Variants in NTRK2 observed in about 807,000 individuals in gnomAD.
NTRK2 encodes the protein BDNF/NT-3 growth factors receptor.
A neutral mutation model predicts 94.5 loss-of-function variants in NTRK2; 13 were observed. The observed-to-expected ratio is 0.14, with a 90% CI of 0.09 to 0.22. The LOEUF (loss-of-function observed/expected upper bound fraction) is 0.22, where lower values mean the gene tolerates loss of function less well. Ranked by LOEUF, NTRK2 falls within the 10% of genes least tolerant of loss-of-function variation. NTRK2 has a pLI of 1.00. For synonymous variants in NTRK2, 372 were observed against 407.4 expected (o/e 0.91, Z 1.05); for missense variants, 639 against 1,071.2 (o/e 0.60, Z 5.63).
chr9:84,781,826 A>C (rs1044853375), intron 12 of NTRK2, among the ~76,000 whole-genome samples: 2 of 152,172 alleles, frequency 1.3e-5, no homozygotes, highest in African/African-American at 4.8e-5. Context: ...AACATTCAAC[A>C]AGGAACTAAC....
chr9:84,806,417 C>T (rs949931434), intron 12 of NTRK2, among the ~76,000 whole-genome samples: 1 of 152,090 alleles, frequency 6.6e-6, no homozygotes, highest in Non-Finnish European at 1.5e-5. Flanking sequence ...CCTTGGGAAG[C>T]AAAAGGGGTG....
intron 12 of NTRK2, among the ~76,000 whole-genome samples, chr9:84,841,081 T>A (rs1189991996): frequency 6.6e-6 from 1 of 152,162 alleles, no homozygotes; most frequent in African/African-American, 2.4e-5. Flanking sequence ...CTGCTCTCCC[T>A]CATATGGGGA....
At chr9:84,668,596 T>C (rs1212049011), upstream of NTRK2, 1 of 152,390 alleles carries the variant, frequency 6.6e-6, no homozygotes, top group East Asian at 1.9e-4. Context: ...GCAGCCATCA[T>C]TTAACTGCAC....
At position 85,024,878 on chromosome 9, in the gene NTRK2, A is replaced by C. The variant is rs2118103097; in HGVS notation, c.*3441A>C. On this transcript the variant is annotated 3_prime_UTR_variant, in exon 19 of 19. Transcript: ENST00000277120. Reference sequence around the variant, plus strand: ...TTCATATTATACATGTGTTCACATCAGCGCTACCTGTGATGTTTTCATGTA... The same window carrying C: ...TTCATATTATACATGTGTTCACATCCGCGCTACCTGTGATGTTTTCATGTA... The C allele has an allele frequency of 8.6e-6, 2 of 233,010 alleles. No homozygotes were observed. Among genetic ancestry groups the C allele is most frequent in the East Asian group, 1.2e-4 (2 of 16,508 alleles). 14.4% of individuals were successfully genotyped at this position (233,010 alleles called of 1,614,324 possible).
chr9:85,012,208 C>A (rs754094266), intron 17 of NTRK2, among the ~76,000 whole-genome samples: 4 of 151,816 alleles, frequency 2.6e-5, no homozygotes, highest in Non-Finnish European at 5.9e-5. Flanking sequence ...AGGATGGTCT[C>A]GATCTCTTGA....
chr9:85,012,918 C>T (rs753192178), intron 17 of NTRK2, among the ~76,000 whole-genome samples: 5 of 152,202 alleles, frequency 3.3e-5, no homozygotes, highest in Non-Finnish European at 7.3e-5. Context: ...AGGTCCAGCA[C>T]ATCTTCTCTT....
intron 9 of NTRK2, among the ~76,000 whole-genome samples, chr9:84,729,023 G>A (rs552716238): frequency 6.6e-6 from 1 of 152,322 alleles, no homozygotes; most frequent in East Asian, 1.9e-4. Context: ...AGATGACTTG[G>A]TGGAGAGAAG....
chr9:84,958,026 A>G (rs1824375528), intron 17 of NTRK2, among the ~76,000 whole-genome samples: 1 of 152,212 alleles, frequency 6.6e-6, no homozygotes, highest in South Asian at 2.1e-4. Context: ...ATTTATATGA[A>G]ATGTCCAGAA....
At chr9:84,869,707 T>C (rs2075756990) in intron 14 of NTRK2, among the ~76,000 whole-genome samples, 1 of 152,144 alleles carries the variant, frequency 6.6e-6, no homozygotes, top group Admixed American at 6.6e-5. Context: ...CATTCCTTCA[T>C]AGCACAGGAC....
intron 15 of NTRK2, among the ~76,000 whole-genome samples, chr9:84,939,003 G>A (rs2078304508): frequency 1.6e-5 from 2 of 124,104 alleles, no homozygotes; most frequent in Non-Finnish European, 3.1e-5. Context: ...AGTGAGCCGA[G>A]ATTGCACCAC....
intron 12 of NTRK2, among the ~76,000 whole-genome samples, chr9:84,852,986 GTT>G (rs11316998): frequency 4.1e-5 from 6 of 146,278 alleles, no homozygotes; most frequent in African/African-American, 2.5e-5. Context: ...AATAAATACT[GTT>G]TTTTTTTTTT....
At chr9:84,773,478 G>A (rs1036111811) in intron 12 of NTRK2, among the ~76,000 whole-genome samples, 4 of 152,172 alleles carry the variant, frequency 2.6e-5, no homozygotes, top group Admixed American at 6.5e-5. Context: ...GGATTAGTGC[G>A]GGGTTCCCTG....
intron 17 of NTRK2, among the ~76,000 whole-genome samples, chr9:85,014,278 A>T (rs1426935064): frequency 6.6e-6 from 1 of 152,108 alleles, no homozygotes; most frequent in Non-Finnish European, 1.5e-5. Context: ...TGATAAATGC[A>T]TTTTCTAAGA....
chr9:84,946,727 A>G lies in NTRK2; in HGVS notation c.1765-1735A>G, dbSNP rs537023910. ...CCAGCTTAAACAACACAAGTGATTT[A>G]TTTCAGTTCTGGTGGTCAGACACCT... On this transcript the variant is annotated intron_variant, in intron 15 of 18. Coordinates refer to ENST00000277120, the MANE Select transcript of NTRK2 (RefSeq NM_006180.6). 5.3e-5 allele frequency among the ~76,000 whole-genome samples: 8 copies of G among 152,342 alleles called. 1 individual carries two copies. The highest frequency in any genetic ancestry group is 4.6e-4 in the Admixed American group (7 of 15,308).
intron 17 of NTRK2, among the ~76,000 whole-genome samples, chr9:84,988,472 AC>A (rs1433389526): frequency 9.2e-5 from 14 of 152,188 alleles, no homozygotes; most frequent in African/African-American, 3.1e-4. Context: ...ACTCACTTAC[AC>A]ACTCATTCAT....
intron 4 of NTRK2, among the ~76,000 whole-genome samples, chr9:84,705,805 TA>T (rs1484001954): frequency 6.8e-5 from 10 of 147,608 alleles, no homozygotes; most frequent in African/African-American, 2.0e-4. Context: ...TTTTTTTTTT[TA>T]AAGAAGGAGT....
intron 17 of NTRK2, among the ~76,000 whole-genome samples, chr9:85,013,698 A>G (rs1034356008): frequency 2.0e-4 from 31 of 152,368 alleles, no homozygotes; most frequent in African/African-American, 6.5e-4. Flanking sequence ...AAAACTGCTG[A>G]GACAAAGCAA....
At chr9:84,920,381 G>C (rs900858575) in intron 14 of NTRK2, among the ~76,000 whole-genome samples, 1 of 152,164 alleles carries the variant, frequency 6.6e-6, no homozygotes, top group African/African-American at 2.4e-5. Context: ...GGGCGAGACT[G>C]AGACCTGTCT....
chr9:85,012,037 G>A (rs1831658934), intron 17 of NTRK2, among the ~76,000 whole-genome samples: 2 of 146,706 alleles, frequency 1.4e-5, no homozygotes, highest in Admixed American at 1.4e-4. Context: ...CACCCAGGCT[G>A]GAGTGCAGGG....
Sources: gnomAD v4.1 joint callset for allele counts (sites outside exome capture counted in the v4.1 genomes callset) on GRCh38, gnomAD v4.1.1 for gene constraint, MANE v1.5 for transcripts, NCBI Gene and HGNC (gene_info 2026-07-23, HGNC 2026-07-21) for gene names.